CAMTA1: variants seen among roughly 807,000 people sequenced by gnomAD.
CAMTA1 encodes calmodulin binding transcription activator 1, also known as calmodulin-binding transcription activator 1.
A neutral mutation model predicts 170.9 loss-of-function variants in CAMTA1; 27 were observed. The observed-to-expected ratio is 0.16, with a 90% CI of 0.12 to 0.22. The LOEUF (loss-of-function observed/expected upper bound fraction) is 0.22. Among genes scored for constraint, CAMTA1 ranks in the 10% least tolerant of loss-of-function variants. The probability of loss-of-function intolerance (pLI) is 1.00; values close to 1 mark genes in which losing one functional copy is unlikely to be tolerated. For synonymous variants in CAMTA1, 833 were observed against 891.5 expected, an observed-to-expected ratio of 0.93 and a Z score of 1.17; for missense variants, 1,619 against 2,217.2, an observed-to-expected ratio of 0.73 and a Z score of 5.42.
In CAMTA1 at chr1:7,647,627, A is replaced by T. The variant is rs545559964; in HGVS notation, c.664+7074A>T. 1.6e-3 allele frequency among the ~76,000 whole-genome samples: 247 copies of T among 152,106 alleles called. 1 individual carries two copies. Among genetic ancestry groups the T allele is most frequent in the African/African-American group, 5.7e-3 (238 of 41,498 alleles). On this transcript the variant is annotated intron_variant, in intron 7 of 22. Coordinates refer to ENST00000303635, the MANE Select transcript of CAMTA1 (RefSeq NM_015215.4). The stretch of plus-strand genomic sequence containing the variant: ...GTGGGGCTGGAACTAGCAGCAGGAG[A>T]CCCTAGGGAGAGGTGCCTGTGCCCA...
chr1:7,567,698 A>G (rs933840828), intron 6 of CAMTA1, among the ~76,000 whole-genome samples: 3 of 152,234 alleles, frequency 2.0e-5, no homozygotes, highest in African/African-American at 7.2e-5. Context: ...CAGAGAGCCT[A>G]TAGTGGCTGT....
At chr1:7,207,598 C>G (rs962404523) in intron 4 of CAMTA1, among the ~76,000 whole-genome samples, 1 of 152,180 alleles carries the variant, frequency 6.6e-6, no homozygotes, top group African/African-American at 2.4e-5. Flanking sequence ...AGGATCAACC[C>G]TATTTCTAAA....
chr1:7,571,474 C>G (rs2095125276), intron 6 of CAMTA1, among the ~76,000 whole-genome samples: 1 of 152,114 alleles, frequency 6.6e-6, no homozygotes, highest in African/African-American at 2.4e-5. Flanking sequence ...TTTTCTGATC[C>G]TTTCCCTCCT....
chr1:7,477,238 C>T (rs758708144), intron 6 of CAMTA1, among the ~76,000 whole-genome samples: 1 of 152,042 alleles, frequency 6.6e-6, no homozygotes, highest in Non-Finnish European at 1.5e-5. Context: ...GACTAGTAAA[C>T]GGCAAAGCCC....
At chr1:7,263,953 G>A (rs1408387749) in intron 5 of CAMTA1, among the ~76,000 whole-genome samples, 1 of 152,174 alleles carries the variant, frequency 6.6e-6, no homozygotes, top group African/African-American at 2.4e-5. Flanking sequence ...GAATTGCAGT[G>A]TGTGGTTATG....
chr1:6,800,757 A>T (rs1643673937), intron 1 of CAMTA1, among the ~76,000 whole-genome samples: 1 of 152,186 alleles, frequency 6.6e-6, no homozygotes, highest in African/African-American at 2.4e-5. Context: ...ACTGTCATTG[A>T]TCATATCACA....
At chr1:7,114,342 C>T (rs1432783132) in intron 4 of CAMTA1, among the ~76,000 whole-genome samples, 2 of 151,100 alleles carry the variant, frequency 1.3e-5, no homozygotes, top group Non-Finnish European at 2.9e-5. Context: ...CATACATATA[C>T]ATAGACCACG....
intron 3 of CAMTA1, among the ~76,000 whole-genome samples, chr1:7,020,623 A>C (rs1323736076): frequency 1.3e-5 from 2 of 152,232 alleles, no homozygotes; most frequent in East Asian, 1.9e-4. Context: ...CTGAGGGCTC[A>C]TGCCCCTCTG....
At position 7,463,846 on chromosome 1, in the gene CAMTA1, T is replaced by G. The variant is rs1775049; in HGVS notation, c.439-3984T>G. 1.2e-4 allele frequency among the ~76,000 whole-genome samples: 18 copies of G among 152,044 alleles called. No homozygotes were observed. Among genetic ancestry groups the G allele is most frequent in the Non-Finnish European group, 8.8e-5 (6 of 67,976 alleles). ...GCCCTCTTTGGTGTGGGACCCCCAC[T>G]GCGTTTGAGGGGGCTCTGCGGCCAT... On this transcript the variant is annotated intron_variant, in intron 5 of 22. Coordinates refer to ENST00000303635, the MANE Select transcript of CAMTA1 (RefSeq NM_015215.4). The surrounding 1 kb of genome is among the most constrained non-coding windows in gnomAD (Gnocchi z 4.7).
chr1:6,865,505 T>A (rs1666289940), intron 3 of CAMTA1, among the ~76,000 whole-genome samples: 1 of 152,188 alleles, frequency 6.6e-6, no homozygotes, highest in Admixed American at 6.5e-5. Context: ...CTACCATTTT[T>A]AAGATCTGCA....
At chr1:7,749,253 A>T (rs2096878461) in intron 19 of CAMTA1, among the ~76,000 whole-genome samples, 1 of 152,156 alleles carries the variant, frequency 6.6e-6, no homozygotes. Flanking sequence ...GACTTGCCTC[A>T]ATTTCTGATA....
intron 4 of CAMTA1, among the ~76,000 whole-genome samples, chr1:7,184,047 C>T (rs1470313432): frequency 6.6e-6 from 1 of 152,120 alleles, no homozygotes; most frequent in Non-Finnish European, 1.5e-5. Flanking sequence ...CACTATTCAG[C>T]CATAAGAAGA....
chr1:7,091,340 G>A lies in CAMTA1; in HGVS notation c.271G>A (p.Glu91Lys). ...AAYLITFEKHEEWLTTSPKTR... is the reference protein window; with the variant it reads ...AAYLITFEKHKEWLTTSPKTR... ...TTATTTAATAACATTTGAGAAACAC[G>A]AAGAATGGCTAACCACCTCCCCTAA... Residue 91 changes from glutamate to lysine, a missense_variant, in exon 4 of 23, where the codon GAA (glutamate) becomes AAA (lysine). Physicochemically the swap from Glu to Lys is moderately conservative, Grantham distance 56. This residue lies in a region of CAMTA1 where 97 missense variants were observed against 225.4 expected (regional missense o/e 0.43). Transcript: ENST00000303635. The A allele has an allele frequency of 6.2e-7, 1 of 1,613,104 alleles. No homozygotes were observed. The highest frequency in any genetic ancestry group is 8.5e-7 in the Non-Finnish European group (1 of 1,179,060).
chr1:7,626,672 TG>T (rs200992890), intron 6 of CAMTA1, among the ~76,000 whole-genome samples: 1,674 of 151,998 alleles, frequency 0.011, 35 homozygotes, highest in African/African-American at 0.039. Context: ...CAGCAGAGGG[TG>T]GGGGTCGGGT....
At chr1:7,154,926 G>C (rs1250771702) in intron 4 of CAMTA1, among the ~76,000 whole-genome samples, 1 of 152,224 alleles carries the variant, frequency 6.6e-6, no homozygotes, top group African/African-American at 2.4e-5. Flanking sequence ...GGGCTTGTGG[G>C]TGCCAGCATG....
intron 3 of CAMTA1, among the ~76,000 whole-genome samples, chr1:7,069,936 G>A (rs1638385612): frequency 1.3e-5 from 2 of 152,256 alleles, no homozygotes; most frequent in Non-Finnish European, 2.9e-5. Context: ...CCCGGCACCA[G>A]CGTGAGGCCA....
intron 6 of CAMTA1, among the ~76,000 whole-genome samples, chr1:7,500,128 G>T (rs982399258): frequency 6.7e-6 from 1 of 149,548 alleles, no homozygotes; most frequent in African/African-American, 2.5e-5. Context: ...TGGTGTGCGT[G>T]TGTATGTATA....
At chr1:6,980,873 G>A (rs1694321293) in intron 3 of CAMTA1, among the ~76,000 whole-genome samples, 1 of 152,188 alleles carries the variant, frequency 6.6e-6, no homozygotes, top group African/African-American at 2.4e-5. Context: ...TTTATTAGCA[G>A]TGTGAGAACA....
Position 6,798,745 on chromosome 1 carries a change from C to T in CAMTA1, c.45+13170C>T, listed in dbSNP as rs183644450. On this transcript the variant is annotated intron_variant, in intron 1 of 22. Transcript: ENST00000303635. ...CCGAGTAGCTGGGACTACAGGCGCC[C>T]GCCACCGCGCCCGGCTAATTTTTTG... Among the ~76,000 whole-genome samples, 359 of 142,080 alleles carry T rather than the reference C, an allele frequency of 2.5e-3. 36 individuals carry two copies. The highest frequency in any genetic ancestry group is 8.8e-3 in the African/African-American group (330 of 37,664). The allele number at this position is 142,080 out of a possible 152,430, so 93.2% of individuals were successfully genotyped here. A position where few individuals can be genotyped will look rare whatever the true frequency, so the allele number is the denominator to read the frequency against.
Sources: gnomAD v4.1 joint callset for allele counts (sites outside exome capture counted in the v4.1 genomes callset) on GRCh38, gnomAD v4.1.1 for gene constraint, gnomAD v4.1.1 regional missense constraint, Gnocchi (gnomAD v3.1) non-coding constraint, MANE v1.5 for transcripts, NCBI Gene and HGNC (gene_info 2026-07-23, HGNC 2026-07-21) for gene names.